The following WNK1 variants were observed in gnomAD, a reference collection of about 807,000 sequenced individuals.
The protein encoded by WNK1 is WNK lysine deficient protein kinase 1, also known as serine/threonine-protein kinase WNK1.
WNK1 carries 38 observed loss-of-function variants against 222.8 expected under a neutral mutation model. That is an observed-to-expected ratio of 0.17 (90% CI 0.13 to 0.22). The LOEUF (loss-of-function observed/expected upper bound fraction) is 0.22, where lower values mean the gene tolerates loss of function less well. Ranked by LOEUF, WNK1 falls within the 10% of genes least tolerant of loss-of-function variation. WNK1 has a pLI of 1.00. For synonymous variants in WNK1, 1,090 were observed against 1,092.9 expected (o/e 1.00, Z 0.05); for missense variants, 2,348 against 2,918.4 (o/e 0.80, Z 4.50).
At chr12:767,046 G>T (rs1001836898) in intron 1 of WNK1, among the ~76,000 whole-genome samples, 1 of 152,084 alleles carries the variant, frequency 6.6e-6, no homozygotes, top group Non-Finnish European at 1.5e-5. Context: ...CAAAGTGTTG[G>T]GATTACAGGC....
At chr12:872,340 CGTTT>C (rs1453105559) in intron 9 of WNK1, among the ~76,000 whole-genome samples, 3 of 151,602 alleles carry the variant, frequency 2.0e-5, no homozygotes, top group Admixed American at 6.6e-5. Flanking sequence ...GTAGAGATGG[CGTTT>C]CACCATGTTG....
rs1955920338 is a variant in WNK1 at position 908,959 on chromosome 12, A to G, written c.*167A>G. 3 of 772,882 alleles carry G rather than the reference A, an allele frequency of 3.9e-6. No homozygotes were observed. Among genetic ancestry groups the G allele is most frequent in the Non-Finnish European group, 4.2e-6 (2 of 479,278 alleles). 47.9% of individuals were successfully genotyped at this position (772,882 alleles called of 1,614,324 possible). On this transcript the variant is annotated 3_prime_UTR_variant, in exon 28 of 28. Transcript: ENST00000315939. ...ACTGCATTGAGCCCTCAGAATGGAG[A>G]GTCTCCCCCGCTCCAGTTATTGGAA...
chr12:769,472 G>GCCACATCTCTACTAA (rs1942204760), intron 1 of WNK1, among the ~76,000 whole-genome samples: 1 of 152,246 alleles, frequency 6.6e-6, no homozygotes, highest in Non-Finnish European at 1.5e-5. Context: ...AAAGTGCTGG[G>GCCACATCTCTACTAA]ATTACAGGTG....
intron 4 of WNK1, among the ~76,000 whole-genome samples, chr12:831,159 A>G (rs1285964544): frequency 6.6e-6 from 1 of 152,214 alleles, no homozygotes; most frequent in Non-Finnish European, 1.5e-5. Flanking sequence ...CATTCACCCA[A>G]GAGTGTACGT....
chr12:771,442 A>T (rs1565405135), intron 1 of WNK1, among the ~76,000 whole-genome samples: 1 of 152,056 alleles, frequency 6.6e-6, no homozygotes, highest in South Asian at 2.1e-4. Context: ...GATAAACTGT[A>T]GTTCAGCTAT....
Position 771,501 on chromosome 12 carries a change from T to C in WNK1, c.759+17177T>C, listed in dbSNP as rs368466230. On this transcript the variant is annotated intron_variant, in intron 1 of 27. Transcript: ENST00000315939. ...AATAGTTAAATTTTTTTGTTTGTTT[T>C]TGAGACAGGGTCTTATTCTGCCCCC... is the stretch of plus-strand genomic sequence containing the variant. Among the ~76,000 whole-genome samples, 424 of 151,816 alleles carry C rather than the reference T, an allele frequency of 2.8e-3. 1 individual carries two copies. The highest frequency in any genetic ancestry group is 8.5e-3 in the South Asian group (41 of 4,804).
chr12:881,637 T>A (rs1345559818), intron 12 of WNK1, 55 bp from the exon 13 acceptor site: 2 of 1,364,352 alleles, frequency 1.5e-6, no homozygotes, highest in Non-Finnish European at 2.1e-6. Flanking sequence ...TTATTGGGGA[T>A]AGTGAATGAT....
intron 2 of WNK1, among the ~76,000 whole-genome samples, chr12:822,457 A>G (rs1947982792): frequency 6.6e-6 from 1 of 151,536 alleles, no homozygotes; most frequent in South Asian, 2.1e-4. Flanking sequence ...CTTCATTACT[A>G]CCTTTTTAAA....
intron 2 of WNK1, among the ~76,000 whole-genome samples, chr12:822,043 G>C (rs1947925488): frequency 5.6e-5 from 8 of 142,010 alleles, no homozygotes; most frequent in Admixed American, 4.9e-4. Context: ...TAGTCAAAAT[G>C]AATGATTTGC....
intron 2 of WNK1, among the ~76,000 whole-genome samples, chr12:826,350 A>G (rs1281575764): frequency 6.6e-6 from 1 of 152,244 alleles, no homozygotes; most frequent in Non-Finnish European, 1.5e-5. Context: ...TCTGTTAGAC[A>G]GCACTGTTCT....
intron 1 of WNK1, among the ~76,000 whole-genome samples, chr12:811,554 G>C (rs555407100): frequency 1.2e-4 from 19 of 152,162 alleles, no homozygotes; most frequent in African/African-American, 4.6e-4. Flanking sequence ...CTAGTAAATG[G>C]CAAATACTTG....
chr12:885,419 G>A lies in WNK1; in HGVS notation c.4615G>A (p.Gly1539Arg), dbSNP rs762943123. 9.3e-6 allele frequency: 15 copies of A among 1,613,550 alleles called. No individual in the cohort carries two copies. In the Admixed American group the frequency reaches 1.0e-4, roughly 11 times the overall value. ...LDKTSHSSTT[G>R]LAFSLSAPSS... ...TAAGACATCTCATAGCAGTACAACT[G>A]GATTGGCTTTCTCCCTCTCTGCACC... The change falls in exon 19 of 28, where the codon GGA becomes AGA. Residue 1539 changes from glycine (G) to arginine (R), a missense_variant. By Grantham distance (125) the Gly-to-Arg change is moderately radical. Coordinates refer to ENST00000315939, the MANE Select transcript of WNK1 (RefSeq NM_018979.4).
chr12:814,687 C>G (rs925982488), intron 2 of WNK1, among the ~76,000 whole-genome samples: 1 of 152,034 alleles, frequency 6.6e-6, no homozygotes, highest in African/African-American at 2.4e-5. Flanking sequence ...AGTCCCCAAC[C>G]TTTTTGGCAT....
chr12:809,439 C>T (rs75869732), intron 1 of WNK1, among the ~76,000 whole-genome samples: 2,304 of 151,658 alleles, frequency 0.015, 59 homozygotes, highest in African/African-American at 0.052. Context: ...AATTTCATCT[C>T]GTAAGAGTAC....
chr12:785,535 T>C lies in WNK1; in HGVS notation c.760-28107T>C, dbSNP rs564599324. On this transcript the variant is annotated intron_variant, in intron 1 of 27. Transcript: ENST00000315939. ...GCCTCAGCCTCCCGAGTAGCTGGGA[T>C]TACAGGCACCCGCCACCACGCCCAG... Among the ~76,000 whole-genome samples the C allele has an allele frequency of 2.6e-5, 4 of 151,562 alleles. No homozygotes were observed. In the South Asian group the frequency reaches 8.3e-4, roughly 32 times the overall value.
chr12:898,245 G>A (rs1954912285), intron 25 of WNK1, among the ~76,000 whole-genome samples: 1 of 152,112 alleles, frequency 6.6e-6, no homozygotes. Context: ...AGAACTTTGG[G>A]AGGCTGAGGC....
intron 1 of WNK1, among the ~76,000 whole-genome samples, chr12:788,743 C>T (rs1274415324): frequency 3.9e-5 from 6 of 152,032 alleles, no homozygotes; most frequent in African/African-American, 9.7e-5. Flanking sequence ...AAAAATTAGC[C>T]GGGCGTGGTG....
At chr12:893,823 AAATAAT>A (rs56048238) in intron 22 of WNK1, among the ~76,000 whole-genome samples, 79 of 143,810 alleles carry the variant, frequency 5.5e-4, no homozygotes, top group African/African-American at 1.9e-3. Flanking sequence ...ACTCCATCTC[AAATAAT>A]AATAATAATA....
At chr12:812,464 T>C (rs903291603) in intron 1 of WNK1, among the ~76,000 whole-genome samples, 3 of 152,220 alleles carry the variant, frequency 2.0e-5, no homozygotes, top group African/African-American at 7.2e-5. Context: ...CTCTGAGGGC[T>C]TATTCTATGG....
Sources: allele counts gnomAD v4.1 joint callset (sites outside exome capture counted in the v4.1 genomes callset), GRCh38; gene constraint gnomAD v4.1.1; transcripts MANE v1.5; gene names NCBI Gene and HGNC (gene_info 2026-07-23, HGNC 2026-07-21).